The following NSD1 variants were observed in gnomAD, a reference collection of about 807,000 sequenced individuals.
NSD1 encodes the protein histone-lysine N-methyltransferase, H3 lysine-36 specific.
Under a neutral mutation model 242.7 loss-of-function variants are expected in NSD1, and 26 were observed. The ratio of observed to expected loss-of-function variants is 0.11; its 90% CI spans 0.08 to 0.15. The LOEUF (loss-of-function observed/expected upper bound fraction) is 0.15, where lower values mean the gene tolerates loss of function less well. NSD1 is among the 10% of genes least tolerant of loss of function. The probability of loss-of-function intolerance (pLI) is 1.00; values close to 1 mark genes in which losing one functional copy is unlikely to be tolerated. For synonymous variants in NSD1, 1,106 were observed against 1,178.1 expected, an observed-to-expected ratio of 0.94 and a Z score of 1.25; for missense variants, 2,495 against 3,272.8, an observed-to-expected ratio of 0.76 and a Z score of 5.80.
chr5:177,248,230 A>G lies in NSD1; in HGVS notation c.4547A>G (p.Glu1516Gly). The change falls in exon 11 of 23, where the codon GAG becomes GGG. Residue 1516 changes from glutamate to glycine, a missense_variant. This residue lies in a region of NSD1 where 97 missense variants were observed against 97.7 expected (regional missense o/e 0.99). Transcript: ENST00000439151. Reference protein sequence around the residue: ...RTATSPKETVEEGVEHDPGMP... With the variant: ...RTATSPKETVGEGVEHDPGMP... ...GCCACAAGCCCCAAGGAGACTGTTGAGGAAGGTGTAGAACACGATCCCGGG... is the reference window on the plus strand; with the variant it reads ...GCCACAAGCCCCAAGGAGACTGTTGGGGAAGGTGTAGAACACGATCCCGGG... The G allele has an allele frequency of 6.2e-7, 1 of 1,614,174 alleles. No homozygotes were observed. Among genetic ancestry groups the G allele is most frequent in the South Asian group, 1.1e-5 (1 of 91,074 alleles).
At position 177,210,250 on chromosome 5, in the gene NSD1, A is replaced by T; in HGVS notation, c.1851A>T (p.Ser617=). 2 of 1,599,928 alleles carry T rather than the reference A, an allele frequency of 1.3e-6. No homozygotes were observed. The highest frequency in any genetic ancestry group is 1.7e-6 in the Non-Finnish European group (2 of 1,173,236). ...CCCAACGAAGCCTGGTGTGTGGTTC[A>T]AAAGTGAAGCTCTGCTATATTGGAG... is the stretch of plus-strand genomic sequence containing the variant. ...NKPQRSLVCG[S]KVKLCYIGAG... The change falls in exon 5 of 23, where the codon TCA becomes TCT. Residue 617 remains serine, a synonymous_variant. Coordinates refer to ENST00000439151, the MANE Select transcript of NSD1 (RefSeq NM_022455.5).
At chr5:177,215,080 C>G (rs1275792991) in intron 5 of NSD1, among the ~76,000 whole-genome samples, 5 of 151,966 alleles carry the variant, frequency 3.3e-5, no homozygotes, top group Non-Finnish European at 7.4e-5. Context: ...TTTATCAGTT[C>G]ATTGGTTGAT....
chr5:177,219,778 A>G (rs1764090170), intron 5 of NSD1, among the ~76,000 whole-genome samples: 1 of 152,150 alleles, frequency 6.6e-6, no homozygotes, highest in Non-Finnish European at 1.5e-5. Flanking sequence ...CATGGCCAAC[A>G]TGGCAAAACC....
intron 4 of NSD1, among the ~76,000 whole-genome samples, chr5:177,208,783 A>G (rs1193160702): frequency 6.6e-6 from 1 of 151,484 alleles, no homozygotes; most frequent in African/African-American, 2.4e-5. Flanking sequence ...GTGATCTCCA[A>G]CTCCCGGGTG....
rs181597747 is a variant in NSD1, at chr5:177,237,057, G to T, written c.3921+1112G>T. Among the ~76,000 whole-genome samples the T allele has an allele frequency of 1.6e-3, 243 of 152,194 alleles. 1 individual carries two copies. Among genetic ancestry groups the T allele is most frequent in the African/African-American group, 5.7e-3 (235 of 41,530 alleles). On this transcript the variant is annotated intron_variant, in intron 6 of 22. Transcript: ENST00000439151. ...GGTGTCCCACTATGTTGCCCTGGCT[G>T]GTCTCGAATTCCTGGGCTCCAGTGA...
chr5:177,167,368 TC>T (rs1759291245), intron 2 of NSD1, among the ~76,000 whole-genome samples: 1 of 151,990 alleles, frequency 6.6e-6, no homozygotes, highest in Non-Finnish European at 1.5e-5. Context: ...GAAACCCATT[TC>T]TACTAAAAAT....
At chr5:177,241,597 A>G (rs1435940508) in intron 8 of NSD1, among the ~76,000 whole-genome samples, 4 of 152,042 alleles carry the variant, frequency 2.6e-5, no homozygotes, top group African/African-American at 9.7e-5. Flanking sequence ...ATACTTAATA[A>G]CTCTTCGTCA....
intron 2 of NSD1, among the ~76,000 whole-genome samples, chr5:177,165,483 T>G (rs1581179336): frequency 1.3e-5 from 2 of 152,198 alleles, no homozygotes; most frequent in East Asian, 3.8e-4. Flanking sequence ...AATTTGCCTT[T>G]TTTTTAAATT....
In NSD1 at chr5:177,295,195, C is replaced by G; in HGVS notation, c.7827C>G (p.Ser2609=). The change falls in exon 23 of 23, where the codon TCC becomes TCG. Residue 2609 remains serine (S), a synonymous_variant. Coordinates refer to ENST00000439151, the MANE Select transcript of NSD1 (RefSeq NM_022455.5). This position sits in a 1 kb window ranked among gnomAD's most constrained non-coding sequence, Gnocchi z 4.3. Reference sequence around the variant, plus strand: ...GGTCTCTCGGGAAGGCCCCAGCCTCCCTCCCCACTGAAGAAAAGAAGTTGG... The same window carrying G: ...GGTCTCTCGGGAAGGCCCCAGCCTCGCTCCCCACTGAAGAAAAGAAGTTGG... ...SFRSLGKAPA[S]LPTEEKKLVT... is the part of the protein sequence containing the mutation. 6.2e-7 allele frequency: 1 copy of G among 1,614,232 alleles called. No individual in the cohort carries two copies. The highest frequency in any genetic ancestry group is 1.3e-5 in the African/African-American group (1 of 75,048).
In NSD1 at chr5:177,298,643, T is replaced by C. The variant is rs1760394456; in HGVS notation, c.*3184T>C. The C allele has an allele frequency of 4.3e-6, 1 of 233,198 alleles. No individual in the cohort carries two copies. Among genetic ancestry groups the C allele is most frequent in the Non-Finnish European group, 8.5e-6 (1 of 118,070 alleles). The allele number at this position is 233,198 out of a possible 1,614,324, so 14.4% of individuals were successfully genotyped here. A position where few individuals can be genotyped will look rare whatever the true frequency, so the allele number is the denominator to read the frequency against. The stretch of plus-strand genomic sequence containing the variant: ...TGATGAAAATAGTTATTTTATTCTT[T>C]ACATCCTTCACCCCACACTATGGTC... On this transcript the variant is annotated 3_prime_UTR_variant, in exon 23 of 23. Transcript: ENST00000439151.
In NSD1 at chr5:177,273,799, T is replaced by G; in HGVS notation, c.5622+15T>G. Reference sequence around the variant, plus strand: ...AACATATAAAGGTGAGGAGAAAATCTTGGGGGACCTTCTCTAGAAGAGAAA... The same window carrying G: ...AACATATAAAGGTGAGGAGAAAATCGTGGGGGACCTTCTCTAGAAGAGAAA... On this transcript the variant is annotated intron_variant, in intron 17 of 22. Coordinates refer to ENST00000439151, the MANE Select transcript of NSD1 (RefSeq NM_022455.5). The G allele has an allele frequency of 6.6e-7, 1 of 1,525,028 alleles. No homozygotes were observed. The highest frequency in any genetic ancestry group is 9.1e-7 in the Non-Finnish European group (1 of 1,099,392). The allele number at this position is 1,525,028 out of a possible 1,614,324, so 94.5% of individuals were successfully genotyped here.
intron 2 of NSD1, among the ~76,000 whole-genome samples, chr5:177,144,568 A>G (rs1233761274): frequency 6.6e-6 from 1 of 152,100 alleles, no homozygotes; most frequent in East Asian, 1.9e-4. Flanking sequence ...TAAGTGGTGT[A>G]AGTTTATTAC....
chr5:177,292,500 G>T (rs11953930), intron 22 of NSD1, among the ~76,000 whole-genome samples: 7,116 of 152,202 alleles, frequency 0.047, 185 homozygotes, highest in South Asian at 0.082. Context: ...ATAGATAGAG[G>T]AGCTGGATTG....
rs2149934190 is a variant in NSD1 at position 177,269,579 on chromosome 5, C to T, written c.5304-23C>T. The T allele has an allele frequency of 6.2e-7, 1 of 1,612,216 alleles. No individual in the cohort carries two copies. The highest frequency in any genetic ancestry group is 1.1e-5 in the South Asian group (1 of 91,014). On this transcript the variant is annotated intron_variant, in intron 15 of 22. Coordinates refer to ENST00000439151, the MANE Select transcript of NSD1 (RefSeq NM_022455.5). The surrounding 1 kb of genome is among the most constrained non-coding windows in gnomAD (Gnocchi z 5.1). ...GCCTTGCAGCCTTCTAGAGGTTTTC[C>T]TTCTCCTTTTCACCTTTCCCAGGTG...
At chr5:177,230,511 T>C (rs1311537256) in intron 5 of NSD1, among the ~76,000 whole-genome samples, 1 of 151,692 alleles carries the variant, frequency 6.6e-6, no homozygotes, top group Non-Finnish European at 1.5e-5. Context: ...ACCCCAAAGG[T>C]AGAGTGGAAA....
At chr5:177,250,346 T>C (rs1002719253) in intron 11 of NSD1, among the ~76,000 whole-genome samples, 1 of 152,238 alleles carries the variant, frequency 6.6e-6, no homozygotes, top group Admixed American at 6.5e-5. Flanking sequence ...GGTGACCCTG[T>C]GGTCCTGGCT....
chr5:177,135,113 A>T lies in NSD1; in HGVS notation c.10A>T (p.Thr4Ser), dbSNP rs1756202193. 1.2e-6 allele frequency: 2 copies of T among 1,614,054 alleles called. No individual in the cohort carries two copies. Among genetic ancestry groups the T allele is most frequent in the Non-Finnish European group, 1.7e-6 (2 of 1,180,042 alleles). Residue 4 changes from threonine (T) to serine (S), a missense_variant, in exon 2 of 23, where the codon ACC (threonine) becomes TCC (serine). By Grantham distance (58) the Thr-to-Ser change is moderately conservative (BLOSUM62 1). Around this residue, in one of 19 missense-constraint regions of NSD1, gnomAD observed 376 missense variants for 367.4 expected, o/e 1.02. Transcript: ENST00000439151. Reference protein sequence around the residue: MDQTCELPRRNCLL... With the variant: MDQSCELPRRNCLL... The stretch of plus-strand genomic sequence containing the variant: ...TTGATGCCGGCCCAGGATGGATCAG[A>T]CCTGTGAACTACCCAGAAGAAATTG...
Position 177,294,155 on chromosome 5 carries a change from T to A in NSD1, c.6787T>A (p.Ser2263Thr), listed in dbSNP as rs781182801. The part of the protein sequence containing the change: ...KPPADTNQML[S>T]LSKKALAGTC... ...TCCTGCTGACACCAACCAGATGCTG[T>A]CGCTCTCCAAAAAAGCTCTGGCAGG... The change falls in exon 23 of 23, where the codon TCG (serine) becomes ACG (threonine). Residue 2263 changes from serine to threonine, a missense_variant. Ser to Thr is a moderately conservative substitution (Grantham distance 58). Around this residue, in one of 19 missense-constraint regions of NSD1, gnomAD observed 475 missense variants for 563.7 expected, o/e 0.84. Transcript: ENST00000439151. 5.0e-6 allele frequency: 8 copies of A among 1,614,040 alleles called. No individual in the cohort carries two copies. In the Admixed American group the frequency reaches 1.3e-4, roughly 27 times the overall value.
At chr5:177,253,347 G>A (rs1349309043) in intron 12 of NSD1, among the ~76,000 whole-genome samples, 1 of 152,112 alleles carries the variant, frequency 6.6e-6, no homozygotes, top group East Asian at 1.9e-4. Context: ...CATATTTCAG[G>A]CCTATGAGTT....
Sources: allele counts gnomAD v4.1 joint callset (sites outside exome capture counted in the v4.1 genomes callset), GRCh38; gene constraint gnomAD v4.1.1; regional missense constraint gnomAD v4.1.1; non-coding constraint Gnocchi (gnomAD v3.1); transcripts MANE v1.5; gene names NCBI Gene and HGNC (gene_info 2026-07-23, HGNC 2026-07-21).